The following C20orf203 variants were observed in gnomAD, a reference collection of about 807,000 sequenced individuals.
C20orf203 encodes the protein uncharacterized protein C20orf203.
A neutral mutation model predicts 15.9 loss-of-function variants in C20orf203; 16 were observed. The observed-to-expected ratio is 1.01, with a 90% CI of 0.68 to 1.53. The LOEUF is 1.53. Ranked by LOEUF, C20orf203 falls within the 40% of genes most tolerant of loss-of-function variation. The probability of loss-of-function intolerance (pLI) is 0.00; values close to 1 mark genes in which losing one functional copy is unlikely to be tolerated. For synonymous variants in C20orf203, 98 were observed against 97.2 expected (o/e 1.01, Z -0.05); for missense variants, 263 against 247.5 (o/e 1.06, Z -0.42).
chr20:32,671,769 T>C (rs1226451726), intron 1 of C20orf203, among the ~76,000 whole-genome samples: 2 of 133,630 alleles, frequency 1.5e-5, no homozygotes, highest in South Asian at 2.4e-4. Context: ...AACCCAGGAG[T>C]TGGAGGTTAA....
chr20:32,671,916 G>A (rs1462613894), intron 1 of C20orf203, among the ~76,000 whole-genome samples: 6 of 151,350 alleles, frequency 4.0e-5, no homozygotes, highest in Non-Finnish European at 8.8e-5. Flanking sequence ...GGGGAACAGA[G>A]AGTTGCTGTT....
intron 5 of C20orf203, among the ~76,000 whole-genome samples, chr20:32,634,813 T>G (rs1403181526): frequency 6.6e-6 from 1 of 152,220 alleles, no homozygotes. Context: ...CATATATATA[T>G]ATATATGAAA....
chr20:32,646,153 GAC>G (rs1185479511), intron 4 of C20orf203, among the ~76,000 whole-genome samples: 1 of 149,516 alleles, frequency 6.7e-6, no homozygotes, highest in Non-Finnish European at 1.5e-5. Context: ...TTTTTTTTGA[GAC>G]AGAGTCTTGC....
At chr20:32,637,590 A>G (rs1982172136) in intron 5 of C20orf203, among the ~76,000 whole-genome samples, 1 of 152,136 alleles carries the variant, frequency 6.6e-6, no homozygotes. Context: ...CCTAGCATGT[A>G]TCACTGACTG....
At chr20:32,669,737 T>TGG (rs1201051802) in intron 1 of C20orf203, among the ~76,000 whole-genome samples, 2 of 152,188 alleles carry the variant, frequency 1.3e-5, no homozygotes, top group East Asian at 3.8e-4. Flanking sequence ...TTCATAGCAC[T>TGG]GGCCTTAGTA....
At chr20:32,665,101 T>G (rs1568755334) in intron 1 of C20orf203, among the ~76,000 whole-genome samples, 1 of 152,182 alleles carries the variant, frequency 6.6e-6, no homozygotes, top group East Asian at 1.9e-4. Flanking sequence ...TGGGGGAGAC[T>G]TTGTGCCCTG....
chr20:32,663,808 G>A (rs1464351514), intron 1 of C20orf203, among the ~76,000 whole-genome samples: 1 of 152,174 alleles, frequency 6.6e-6, no homozygotes, highest in Non-Finnish European at 1.5e-5. Flanking sequence ...GGCCTAGGAC[G>A]GCCTGCACCA....
chr20:32,666,287 C>T (rs1254012406), intron 1 of C20orf203, among the ~76,000 whole-genome samples: 1 of 150,554 alleles, frequency 6.6e-6, no homozygotes, highest in African/African-American at 2.4e-5. Context: ...GGCAATGTGG[C>T]AAAACCCCAT....
At chr20:32,636,918 AC>A (rs1982152971) in intron 5 of C20orf203, among the ~76,000 whole-genome samples, 1 of 152,004 alleles carries the variant, frequency 6.6e-6, no homozygotes. Flanking sequence ...AGGACTGGTC[AC>A]CCTGGCTTCT....
At chr20:32,650,921 A>G (rs1982602964) in intron 3 of C20orf203, 40 bp from the exon 4 acceptor site, 3 of 1,445,462 alleles carry the variant, frequency 2.1e-6, no homozygotes, top group Non-Finnish European at 2.7e-6. Flanking sequence ...ATAGAATCTT[A>G]GTACCTGAGA....
rs767927415 is a variant in C20orf203 at position 32,651,104 on chromosome 20, G to A, written c.49C>T (p.Pro17Ser). 2.8e-6 allele frequency: 4 copies of A among 1,438,952 alleles called. No homozygotes were observed. The Admixed American group carries it at 6.3e-5, about 23-fold the overall frequency. The allele number at this position is 1,438,952 out of a possible 1,614,324, so 89.1% of individuals were successfully genotyped here. A position where few individuals can be genotyped will look rare whatever the true frequency, so the allele number is the denominator to read the frequency against. ...LNSRAQAILL[P>S]QPPNMLDHRQ... ...TGATCCAGCATGTTGGGAGGCTGAG[G>A]CAGGAGAATCGCTTGAGCCCGGGAG... The change falls in exon 3 of 6, where the codon CCT becomes TCT. Residue 17 changes from proline to serine, a missense_variant. Pro to Ser is a moderately conservative substitution (Grantham distance 74). Coordinates refer to ENST00000608990, the MANE Select transcript of C20orf203 (RefSeq NM_182584.4).
At chr20:32,637,148 G>A (rs903847155) in intron 5 of C20orf203, among the ~76,000 whole-genome samples, 1 of 152,210 alleles carries the variant, frequency 6.6e-6, no homozygotes, top group African/African-American at 2.4e-5. Context: ...AATGGCTCAC[G>A]CCTGTAATCC....
intron 1 of C20orf203, among the ~76,000 whole-genome samples, chr20:32,653,373 A>G (rs150108741): frequency 5.7e-4 from 87 of 152,268 alleles, no homozygotes; most frequent in African/African-American, 1.8e-3. Flanking sequence ...CTGAGTGTCC[A>G]GGGCTCACTC....
At chr20:32,647,432 G>A (rs1982468600) in intron 4 of C20orf203, among the ~76,000 whole-genome samples, 1 of 142,646 alleles carries the variant, frequency 7.0e-6, no homozygotes, top group African/African-American at 2.6e-5. Flanking sequence ...GGTTTGGCTT[G>A]GTGGCTCATG....
intron 1 of C20orf203, among the ~76,000 whole-genome samples, 178 bp downstream of exon 1, chr20:32,673,454 C>T (rs559534934): frequency 6.6e-6 from 1 of 152,302 alleles, no homozygotes; most frequent in African/African-American, 2.4e-5. Context: ...TCACCGCAGC[C>T]CCGTGGGCAC....
rs914788562 is a variant in C20orf203 at position 32,650,182 on chromosome 20, A to C, written c.*250T>G. ...TGGACAGGACCAGAGCCTGCCCCGC[A>C]TGTCCGGCCGGGGTTCTACCCAGAG... is the stretch of plus-strand genomic sequence containing the variant. On this transcript the variant is annotated 3_prime_UTR_variant, in exon 4 of 6. Coordinates refer to ENST00000608990, the MANE Select transcript of C20orf203 (RefSeq NM_182584.4). 9.9e-6 allele frequency: 5 copies of C among 504,668 alleles called. No homozygotes were observed. Among genetic ancestry groups the C allele is most frequent in the Admixed American group, 3.3e-5 (1 of 30,692 alleles). 31.3% of individuals were successfully genotyped at this position (504,668 alleles called of 1,614,324 possible).
chr20:32,661,829 G>A (rs1982897949), intron 1 of C20orf203, among the ~76,000 whole-genome samples: 1 of 152,134 alleles, frequency 6.6e-6, no homozygotes, highest in Admixed American at 6.6e-5. Context: ...CAAAAGGGAG[G>A]TGACTTGCCC....
intron 1 of C20orf203, among the ~76,000 whole-genome samples, chr20:32,672,604 T>C (rs1242914879): frequency 4.6e-5 from 7 of 151,668 alleles, no homozygotes; most frequent in East Asian, 1.9e-4. Context: ...TCAATTTAAA[T>C]AGCTTTAGTT....
In C20orf203 at chr20:32,633,070, T is replaced by A. The variant is rs1044698566; in HGVS notation, c.*2500A>T. 4 of 152,134 alleles carry A rather than the reference T, an allele frequency of 2.6e-5. No individual in the cohort carries two copies. The highest frequency in any genetic ancestry group is 5.9e-5 in the Non-Finnish European group (4 of 68,028). The allele number at this position is 152,134 out of a possible 1,614,324, so 9.4% of individuals were successfully genotyped here. A position where few individuals can be genotyped will look rare whatever the true frequency, so the allele number is the denominator to read the frequency against. On this transcript the variant is annotated 3_prime_UTR_variant, in exon 6 of 6. Transcript: ENST00000608990. ...AACAGCATGGGGGAAACTGCCACCA[T>A]TATTCAATTATCTCTACTTGGTCCT...
Sources: gnomAD v4.1 joint callset for allele counts (sites outside exome capture counted in the v4.1 genomes callset) on GRCh38, gnomAD v4.1.1 for gene constraint, MANE v1.5 for transcripts, NCBI Gene and HGNC (gene_info 2026-07-23, HGNC 2026-07-21) for gene names.